The following NOX5 variants were observed in gnomAD, a reference collection of about 807,000 sequenced individuals.
NOX5 encodes NADPH oxidase 5.
Under a neutral mutation model 85.7 loss-of-function variants are expected in NOX5, and 76 were observed. That is an observed-to-expected ratio of 0.89 (90% CI 0.74 to 1.07). NOX5 has a LOEUF of 1.07. NOX5 is among the 50% of genes least tolerant of loss of function. The pLI is 0.00. For synonymous variants in NOX5, 405 were observed against 401.4 expected (o/e 1.01, Z -0.11); for missense variants, 973 against 999.5 (o/e 0.97, Z 0.36).
chr15:69,053,713 A>C (rs1301618692), intron 14 of NOX5, among the ~76,000 whole-genome samples: 3 of 152,156 alleles, frequency 2.0e-5, no homozygotes, highest in Non-Finnish European at 4.4e-5. Flanking sequence ...GAGAGTGAGA[A>C]CCATGCCAGG....
chr15:69,016,426 T>C (rs2140242066), intron 1 of NOX5, among the ~76,000 whole-genome samples: 1 of 152,274 alleles, frequency 6.6e-6, no homozygotes, highest in South Asian at 2.1e-4. Context: ...CACACATTTA[T>C]AGGCGAGGAG....
In NOX5 at chr15:69,033,091, G is replaced by C. The variant is rs769377219; in HGVS notation, c.669G>C (p.Arg223=). The part of the protein sequence containing the change: ...TAPAPRPRPR[R]PRQLTRAYWH... ...CCGCCCCCCGCCCACGCCCGCGCCGGCCGCGCCAGCTGACCCGCGCCTACT... is the reference window on the plus strand; with the variant it reads ...CCGCCCCCCGCCCACGCCCGCGCCGCCCGCGCCAGCTGACCCGCGCCTACT... Residue 223 remains arginine, a synonymous_variant, in exon 5 of 16, where the codon CGG becomes CGC. Coordinates refer to ENST00000388866, the MANE Select transcript of NOX5 (RefSeq NM_024505.4). The C allele has an allele frequency of 1.9e-6, 3 of 1,555,468 alleles. No individual in the cohort carries two copies. In the South Asian group the frequency reaches 3.5e-5, roughly 18 times the overall value.
chr15:69,036,739 T>A (rs1172227521), intron 7 of NOX5, among the ~76,000 whole-genome samples: 1 of 152,204 alleles, frequency 6.6e-6, no homozygotes, highest in Non-Finnish European at 1.5e-5. Flanking sequence ...GGGGTAGCGA[T>A]ACTGATGCTC....
intron 1 of NOX5, among the ~76,000 whole-genome samples, chr15:69,022,037 G>C (rs1445443257): frequency 6.6e-6 from 1 of 152,110 alleles, no homozygotes; most frequent in Non-Finnish European, 1.5e-5. Flanking sequence ...GCTTCTTTAG[G>C]GTTTGTTTGG....
intron 3 of NOX5, chr15:69,030,410 T>C (rs978325060): frequency 1.3e-5 from 2 of 152,192 alleles, no homozygotes; most frequent in Admixed American, 6.5e-5. Flanking sequence ...GGTAGCTGGC[T>C]TCACCCAGGG....
intron 1 of NOX5, among the ~76,000 whole-genome samples, chr15:69,021,141 G>A (rs193189982): frequency 6.6e-6 from 1 of 151,864 alleles, no homozygotes; most frequent in Non-Finnish European, 1.5e-5. Flanking sequence ...AACTTGTATA[G>A]AATTTCCTTT....
chr15:69,026,382 A>G (rs2050358112), intron 1 of NOX5, 146 bp from the exon 2 acceptor site: 2 of 915,486 alleles, frequency 2.2e-6, no homozygotes, highest in Admixed American at 2.7e-5. Context: ...GGAAGCTCCA[A>G]TCCACAGCCA....
At position 69,017,137 on chromosome 15, in the gene NOX5, G is replaced by GTATTTATTTATT. The variant is rs148092449; in HGVS notation, c.50+2370_50+2381dup. Among the ~76,000 whole-genome samples the GTATTTATTTATT allele has an allele frequency of 9.2e-5, 14 of 151,760 alleles. No homozygotes were observed. The East Asian group carries it at 1.4e-3, about 15-fold the overall frequency. On this transcript the variant is annotated intron_variant, in intron 1 of 15. Coordinates refer to ENST00000388866, the MANE Select transcript of NOX5 (RefSeq NM_024505.4). The stretch of plus-strand genomic sequence containing the variant: ...CTTATTTTAACATAGAAATTTCTAA[G>GTATTTATTTATT]TATTTATTTATTTATTTATTTATTT...
chr15:69,056,435 T>G, intron 15 of NOX5, 130 bp from the exon 16 acceptor site: 1 of 1,173,936 alleles, frequency 8.5e-7, no homozygotes. Context: ...GCCATGCAGC[T>G]CCCTGTGTAA....
At chr15:69,034,617 T>C (rs547232363) in intron 5 of NOX5, among the ~76,000 whole-genome samples, 2 of 152,302 alleles carry the variant, frequency 1.3e-5, no homozygotes, top group Admixed American at 1.3e-4. Context: ...TGAAAGCAAA[T>C]GAGCAATGAG....
chr15:69,034,008 A>T (rs1010384023), intron 5 of NOX5, among the ~76,000 whole-genome samples: 3 of 151,918 alleles, frequency 2.0e-5, no homozygotes, highest in Non-Finnish European at 4.4e-5. Context: ...AGAGTTTTTG[A>T]TCACACAACT....
intron 9 of NOX5, among the ~76,000 whole-genome samples, chr15:69,042,216 C>T (rs1215882432): frequency 6.6e-6 from 1 of 152,196 alleles, no homozygotes; most frequent in Non-Finnish European, 1.5e-5. Context: ...ATTCATTCAA[C>T]AGATGACCTT....
intron 1 of NOX5, among the ~76,000 whole-genome samples, chr15:69,018,937 A>C (rs1050782555): frequency 6.6e-6 from 1 of 152,092 alleles, no homozygotes; most frequent in African/African-American, 2.4e-5. Context: ...ATTAAAGTTC[A>C]CTTTAGCTTC....
intron 14 of NOX5, among the ~76,000 whole-genome samples, chr15:69,051,248 G>A (rs311927): frequency 0.97 from 148,433 of 152,318 alleles, 72,450 homozygotes; most frequent in East Asian, 1. Flanking sequence ...GGCTTACTTC[G>A]TCTGTTTCTC....
chr15:69,053,848 C>A (rs144157390), intron 14 of NOX5, among the ~76,000 whole-genome samples: 2 of 152,308 alleles, frequency 1.3e-5, no homozygotes, highest in African/African-American at 4.8e-5. Context: ...CCCAGGTGGG[C>A]ATCTCATAAT....
chr15:69,020,852 T>A (rs1313460784), intron 1 of NOX5, among the ~76,000 whole-genome samples: 1 of 152,044 alleles, frequency 6.6e-6, no homozygotes, highest in Non-Finnish European at 1.5e-5. Flanking sequence ...TTCCTCCCAT[T>A]TTTCTTATAG....
chr15:69,044,305 A>G (rs1422019089), intron 10 of NOX5, among the ~76,000 whole-genome samples: 3 of 152,286 alleles, frequency 2.0e-5, no homozygotes, highest in Non-Finnish European at 2.9e-5. Context: ...GATGCTGGAG[A>G]TCTATCAGTA....
intron 1 of NOX5, among the ~76,000 whole-genome samples, chr15:69,015,926 T>A (rs1017518468): frequency 1.4e-5 from 1 of 69,568 alleles, no homozygotes; most frequent in African/African-American, 5.8e-5. Context: ...GGGTCGGGGG[T>A]GGGGAGAAGT....
intron 5 of NOX5, among the ~76,000 whole-genome samples, chr15:69,034,962 C>A (rs1480807265): frequency 6.6e-6 from 1 of 151,994 alleles, no homozygotes; most frequent in Non-Finnish European, 1.5e-5. Flanking sequence ...ACAGGGGTCT[C>A]GCTGTGTTGC....
Sources: gnomAD v4.1 joint callset for allele counts (sites outside exome capture counted in the v4.1 genomes callset) on GRCh38, gnomAD v4.1.1 for gene constraint, MANE v1.5 for transcripts, NCBI Gene and HGNC (gene_info 2026-07-23, HGNC 2026-07-21) for gene names.